OSTF1: variants seen among roughly 807,000 people sequenced by gnomAD.
OSTF1 encodes osteoclast-stimulating factor 1.
OSTF1 carries 27 observed loss-of-function variants against 37.2 expected under a neutral mutation model. That is an observed-to-expected ratio of 0.73 (90% CI 0.54 to 1.00). OSTF1 has a LOEUF of 1.00. OSTF1 is among the 50% of genes least tolerant of loss of function. The probability of loss-of-function intolerance (pLI) is 0.00; values close to 1 mark genes in which losing one functional copy is unlikely to be tolerated. For synonymous variants in OSTF1, 82 were observed against 89.2 expected (o/e 0.92, Z 0.46); for missense variants, 232 against 253.8 (o/e 0.91, Z 0.58).
At chr9:75,109,524 C>T (rs1825348650) in intron 1 of OSTF1, among the ~76,000 whole-genome samples, 1 of 152,244 alleles carries the variant, frequency 6.6e-6, no homozygotes. Context: ...ATAGTGTACA[C>T]TGGTCTTTCT....
intron 7 of OSTF1, among the ~76,000 whole-genome samples, chr9:75,136,638 C>T (rs1036572617): frequency 2.6e-5 from 4 of 152,194 alleles, no homozygotes; most frequent in African/African-American, 9.6e-5. Flanking sequence ...GTGATCCGCT[C>T]TCCTCGGTCT....
chr9:75,132,972 TACACACACAC>T (rs57913558), intron 5 of OSTF1, among the ~76,000 whole-genome samples: 2,929 of 60,316 alleles, frequency 0.049, 89 homozygotes, highest in African/African-American at 0.11. Flanking sequence ...TACACACACA[TACACACACAC>T]ACACACACAC....
intron 8 of OSTF1, among the ~76,000 whole-genome samples, chr9:75,140,613 G>A (rs950724441): frequency 1.3e-5 from 2 of 152,190 alleles, no homozygotes; most frequent in African/African-American, 4.8e-5. Context: ...GACTCAAAAG[G>A]TTCGGAATTA....
intron 3 of OSTF1, among the ~76,000 whole-genome samples, chr9:75,130,226 T>TA (rs1291063973): frequency 2.0e-5 from 3 of 151,872 alleles, no homozygotes; most frequent in African/African-American, 4.8e-5. Flanking sequence ...TCCTCCCCCA[T>TA]AAAAAAAATT....
At chr9:75,092,033 TC>T (rs1410757736) in intron 1 of OSTF1, among the ~76,000 whole-genome samples, 1 of 152,216 alleles carries the variant, frequency 6.6e-6, no homozygotes, top group Non-Finnish European at 1.5e-5. Flanking sequence ...TCTTACAGCT[TC>T]TTTCAGAGCA....
chr9:75,143,161 G>C (rs1222179903), intron 9 of OSTF1, among the ~76,000 whole-genome samples: 1 of 151,948 alleles, frequency 6.6e-6, no homozygotes, highest in African/African-American at 2.4e-5. Context: ...GGCTGGTCTC[G>C]AACTCCTGAC....
chr9:75,121,718 G>GTC (rs201707112), intron 2 of OSTF1, among the ~76,000 whole-genome samples: 8 of 151,964 alleles, frequency 5.3e-5, no homozygotes, highest in Non-Finnish European at 8.8e-5. Context: ...AAGCTGTTTG[G>GTC]TCTCTCTCTC....
At chr9:75,136,600 C>T (rs1414366573) in intron 7 of OSTF1, among the ~76,000 whole-genome samples, 1 of 152,154 alleles carries the variant, frequency 6.6e-6, no homozygotes, top group Non-Finnish European at 1.5e-5. Flanking sequence ...CCACGTTAGC[C>T]AGGCTGGTCT....
chr9:75,112,961 T>C (rs1338882942), intron 1 of OSTF1, among the ~76,000 whole-genome samples: 1 of 152,152 alleles, frequency 6.6e-6, no homozygotes, highest in Non-Finnish European at 1.5e-5. Flanking sequence ...GAAAATACTG[T>C]ATTTCTCCTG....
chr9:75,088,787 T>G (rs1377395943), intron 1 of OSTF1, 61 bp downstream of exon 1: 2 of 1,517,878 alleles, frequency 1.3e-6, no homozygotes, highest in Non-Finnish European at 1.8e-6. Flanking sequence ...CGGCGCCTCC[T>G]CTGCAGCTTG....
At chr9:75,108,447 A>G (rs1825329381) in intron 1 of OSTF1, among the ~76,000 whole-genome samples, 1 of 151,826 alleles carries the variant, frequency 6.6e-6, no homozygotes, top group African/African-American at 2.4e-5. Flanking sequence ...ATATTAATAT[A>G]TTGAAATTCT....
At chr9:75,088,771 C>T in intron 1 of OSTF1, 45 bp downstream of exon 1, 1 of 1,564,164 alleles carries the variant, frequency 6.4e-7, no homozygotes, top group Non-Finnish European at 8.7e-7. Context: ...GCGACCGCCG[C>T]GGTGCCGGCG....
chr9:75,129,813 G>A (rs1350466531), intron 3 of OSTF1, among the ~76,000 whole-genome samples: 1 of 152,164 alleles, frequency 6.6e-6, no homozygotes, highest in Non-Finnish European at 1.5e-5. Flanking sequence ...ATATTGTATA[G>A]CCCTTATTTG....
Position 75,131,784 on chromosome 9 carries a change from G to A in OSTF1, c.211G>A (p.Glu71Lys), listed in dbSNP as rs1587469276. Residue 71 changes from glutamate (E) to lysine (K), a missense_variant, in exon 5 of 10, where the codon GAA (glutamate) becomes AAA (lysine). Transcript: ENST00000346234. The part of the protein sequence containing the change: ...IPSNYVAEQA[E>K]SIDNPLHEAA... ...TTTCAATCTAGTGGCTGAGCAGGCA[G>A]AATCCATTGACAATCCATTGCATGA... The A allele has an allele frequency of 1.9e-6, 3 of 1,613,584 alleles. No homozygotes were observed. The highest frequency in any genetic ancestry group is 2.5e-6 in the Non-Finnish European group (3 of 1,179,622).
chr9:75,124,784 A>T (rs931297152), intron 2 of OSTF1, among the ~76,000 whole-genome samples: 1 of 148,558 alleles, frequency 6.7e-6, no homozygotes, highest in Non-Finnish European at 1.5e-5. Context: ...ACTTTTTCAT[A>T]AAGTGTTTTG....
chr9:75,093,898 T>C (rs972036205), intron 1 of OSTF1, among the ~76,000 whole-genome samples: 1 of 152,232 alleles, frequency 6.6e-6, no homozygotes, highest in East Asian at 1.9e-4. Context: ...ATGGTTAACA[T>C]ATATTTGGCC....
At chr9:75,126,135 G>A (rs1050078255) in intron 2 of OSTF1, among the ~76,000 whole-genome samples, 1 of 152,104 alleles carries the variant, frequency 6.6e-6, no homozygotes, top group South Asian at 2.1e-4. Flanking sequence ...GGCTGGTCTC[G>A]AACGCCTGTC....
chr9:75,103,975 TC>T (rs1825240123), intron 1 of OSTF1, among the ~76,000 whole-genome samples: 1 of 152,126 alleles, frequency 6.6e-6, no homozygotes, highest in Non-Finnish European at 1.5e-5. Context: ...ATGCCTGTAA[TC>T]CCACACTTTG....
chr9:75,106,883 C>T lies in OSTF1; in HGVS notation c.35-10621C>T, dbSNP rs567335143. Among the ~76,000 whole-genome samples, 53 of 148,068 alleles carry T rather than the reference C, an allele frequency of 3.6e-4. No individual in the cohort carries two copies. The East Asian group carries it at 7.4e-3, about 21-fold the overall frequency. ...GTAGGAGAATCACTTGAACCTGGGA[C>T]GCGGAGGTTGCAGTGAGCCCAGATT... On this transcript the variant is annotated intron_variant, in intron 1 of 9. Coordinates refer to ENST00000346234, the MANE Select transcript of OSTF1 (RefSeq NM_012383.5).
Sources: gnomAD v4.1 joint callset for allele counts (sites outside exome capture counted in the v4.1 genomes callset) on GRCh38, gnomAD v4.1.1 for gene constraint, MANE v1.5 for transcripts, NCBI Gene and HGNC (gene_info 2026-07-23, HGNC 2026-07-21) for gene names.